The following IGLL5 variants were observed in gnomAD, a reference collection of about 807,000 sequenced individuals.
The protein encoded by IGLL5 is immunoglobulin lambda like polypeptide 5, also known as immunoglobulin lambda-like polypeptide 5.
IGLL5 carries 30 observed loss-of-function variants against 20.9 expected under a neutral mutation model. The ratio of observed to expected loss-of-function variants is 1.44; its 90% CI spans 1.07 to 1.95. The LOEUF is 1.95. Ranked by LOEUF, IGLL5 falls within the 30% of genes most tolerant of loss-of-function variation. The pLI is 0.00. For synonymous variants in IGLL5, 203 were observed against 117.3 expected (o/e 1.73, Z -4.72); for missense variants, 475 against 270.7 (o/e 1.75, Z -5.30).
At chr22:22,893,916 GCCTTAAGCACTGACCCTTA>G (rs2067947586) in intron 2 of IGLL5, 98 bp downstream of exon 2, 1 of 865,216 alleles carries the variant, frequency 1.2e-6, no homozygotes, top group Non-Finnish European at 2.0e-6. Flanking sequence ...TGTCCTCCCA[GCCTTAAGCACTGACCCTTA>G]CCTTTCTCCA....
chr22:22,894,835 C>A (rs186416867), intron 2 of IGLL5, among the ~76,000 whole-genome samples: 1 of 151,280 alleles, frequency 6.6e-6, no homozygotes. Context: ...GCCAGGAGAG[C>A]CAAGTGGGCT....
intron 1 of IGLL5, among the ~76,000 whole-genome samples, chr22:22,892,154 T>C (rs2146018956): frequency 6.6e-6 from 1 of 151,392 alleles, no homozygotes; most frequent in Non-Finnish European, 1.5e-5. Context: ...CTTCACTGAG[T>C]TAAGAAAATT....
At chr22:22,894,082 C>A (rs2067978883) in intron 2 of IGLL5, among the ~76,000 whole-genome samples, 1 of 151,500 alleles carries the variant, frequency 6.6e-6, no homozygotes, top group Non-Finnish European at 1.5e-5. Flanking sequence ...TCTTCCAGGG[C>A]AGATGTCTGA....
intron 1 of IGLL5, among the ~76,000 whole-genome samples, chr22:22,889,685 T>G (rs2067744723): frequency 6.6e-6 from 1 of 151,384 alleles, no homozygotes; most frequent in East Asian, 2.0e-4. Context: ...CCTCCAGGGC[T>G]CAAAAGATCC....
chr22:22,894,951 A>C (rs1601629589), intron 2 of IGLL5, among the ~76,000 whole-genome samples: 2 of 151,498 alleles, frequency 1.3e-5, no homozygotes, highest in African/African-American at 4.8e-5. Context: ...CAGGATGAGC[A>C]GGGGACCCAC....
intron 2 of IGLL5, among the ~76,000 whole-genome samples, chr22:22,894,306 A>T (rs546904376): frequency 6.6e-6 from 1 of 151,382 alleles, no homozygotes; most frequent in African/African-American, 2.4e-5. Flanking sequence ...CTGGTGACAC[A>T]GAGGTCACCC....
Position 22,893,828 on chromosome 22 carries a change from T to A in IGLL5, c.325+10T>A. On this transcript the variant is annotated intron_variant, in intron 2 of 2. Coordinates refer to ENST00000526893, the MANE Select transcript of IGLL5 (RefSeq NM_001178126.2). ...AAGGTCACCGTCCTAGGTAAGTGGC[T>A]CTCAACCTTTCCCAGCCTGTCTCAC... 1 of 1,550,262 alleles carries A rather than the reference T, an allele frequency of 6.5e-7. No individual in the cohort carries two copies. The highest frequency in any genetic ancestry group is 1.7e-5 in the Admixed American group (1 of 59,736).
chr22:22,887,821 C>G lies in IGLL5; in HGVS notation c.-233C>G, dbSNP rs381819. On this transcript the variant is annotated 5_prime_UTR_variant, in exon 1 of 3. Coordinates refer to ENST00000526893, the MANE Select transcript of IGLL5 (RefSeq NM_001178126.2). ...AGGCAGTTGAGCCCTGGATTGTGAC[C>G]GCTTCAGGGCAGTTGGTAGATGCCC... 2 of 590,828 alleles carry G rather than the reference C, an allele frequency of 3.4e-6. No homozygotes were observed. Among genetic ancestry groups the G allele is most frequent in the African/African-American group, 3.7e-5 (2 of 53,382 alleles). 36.6% of individuals were successfully genotyped at this position (590,828 alleles called of 1,614,324 possible).
chr22:22,889,217 C>T (rs557525140), intron 1 of IGLL5, among the ~76,000 whole-genome samples: 1 of 150,900 alleles, frequency 6.6e-6, no homozygotes, highest in Admixed American at 6.6e-5. Flanking sequence ...GGAAGCCGTG[C>T]CTTGGGGATG....
intron 2 of IGLL5, among the ~76,000 whole-genome samples, chr22:22,894,870 G>A (rs2066704046): frequency 6.6e-6 from 1 of 151,458 alleles, no homozygotes; most frequent in African/African-American, 2.4e-5. Flanking sequence ...CCCGGTGCCT[G>A]TGAGGGATAG....
At position 22,887,904 on chromosome 22, in the gene IGLL5, G is replaced by T. The variant is rs1278378598; in HGVS notation, c.-150G>T. ...GGACCCTGGAAGGGCCTGGGCTAGG[G>T]ACAGGGACCAGAGCCAGTCCAGGGA... On this transcript the variant is annotated 5_prime_UTR_variant, in exon 1 of 3. Transcript: ENST00000526893. 1.1e-5 allele frequency: 8 copies of T among 715,130 alleles called. No individual in the cohort carries two copies. The highest frequency in any genetic ancestry group is 2.0e-5 in the Non-Finnish European group (8 of 398,696). 44.3% of individuals were successfully genotyped at this position (715,130 alleles called of 1,614,324 possible). A position where few individuals can be genotyped will look rare whatever the true frequency, so the allele number is the denominator to read the frequency against.
At chr22:22,889,120 C>G (rs181345606) in intron 1 of IGLL5, among the ~76,000 whole-genome samples, 1 of 150,988 alleles carries the variant, frequency 6.6e-6, no homozygotes, top group African/African-American at 2.4e-5. Context: ...GAAAAATCAG[C>G]ACCGGATTGG....
At chr22:22,893,280 C>G (rs1263203810) in intron 1 of IGLL5, among the ~76,000 whole-genome samples, 2 of 151,156 alleles carry the variant, frequency 1.3e-5, no homozygotes, top group East Asian at 4.1e-4. Context: ...AACCGCGTCT[C>G]CATGGGTAGA....
At chr22:22,893,902 C>T (rs531906917) in intron 2 of IGLL5, 84 bp downstream of exon 2, 8 of 928,132 alleles carry the variant, frequency 8.6e-6, no homozygotes, top group Admixed American at 3.5e-5. Context: ...GGCTTCCTCC[C>T]CTCTGTCCTC....
In IGLL5 at chr22:22,889,790, C is replaced by T. The variant is rs2146000279; in HGVS notation, c.206+1531C>T. ...GATTATTATTAGTTTAGAGACAGAG[C>T]CTCGCTATATTGCTCAGGCCTGTCT... On this transcript the variant is annotated intron_variant, in intron 1 of 2. Transcript: ENST00000526893. Among the ~76,000 whole-genome samples, 2 of 151,326 alleles carry T rather than the reference C, an allele frequency of 1.3e-5. 1 individual carries two copies. The highest frequency in any genetic ancestry group is 4.8e-5 in the African/African-American group (2 of 41,322).
chr22:22,894,226 C>A (rs79836308), intron 2 of IGLL5, among the ~76,000 whole-genome samples: 5 of 151,120 alleles, frequency 3.3e-5, no homozygotes, highest in East Asian at 2.0e-4. Context: ...TCTAGGGGAG[C>A]AGCCCCAAGA....
chr22:22,888,612 G>A (rs2067622487), intron 1 of IGLL5, among the ~76,000 whole-genome samples: 5 of 151,314 alleles, frequency 3.3e-5, no homozygotes, highest in Admixed American at 6.6e-5. Flanking sequence ...TCCCCACAGG[G>A]TGCCCAGGCC....
rs552547394 is a variant in IGLL5 at position 22,888,627 on chromosome 22, C to T, written c.206+368C>T. Reference sequence around the variant, plus strand: ...TCCCCACAGGGTGCCCAGGCCTGTTCCTCCCCCTCCTCCTCTCTGCCCATG... The same window carrying T: ...TCCCCACAGGGTGCCCAGGCCTGTTTCTCCCCCTCCTCCTCTCTGCCCATG... On this transcript the variant is annotated intron_variant, in intron 1 of 2. Transcript: ENST00000526893. Among the ~76,000 whole-genome samples the T allele has an allele frequency of 1.6e-4, 24 of 151,064 alleles. 1 individual carries two copies. Among genetic ancestry groups the T allele is most frequent in the Middle Eastern group, 7.5e-3 (2 of 268 alleles).
At chr22:22,894,158 T>C (rs2067990361) in intron 2 of IGLL5, among the ~76,000 whole-genome samples, 2 of 151,480 alleles carry the variant, frequency 1.3e-5, no homozygotes, top group Admixed American at 6.6e-5. Context: ...GCCCAGTGAC[T>C]CCTGGGGTCA....
Sources: gnomAD v4.1 joint callset for allele counts (sites outside exome capture counted in the v4.1 genomes callset) on GRCh38, gnomAD v4.1.1 for gene constraint, MANE v1.5 for transcripts, NCBI Gene and HGNC (gene_info 2026-07-23, HGNC 2026-07-21) for gene names.